The following CHST9 variants were observed in gnomAD, a reference collection of about 807,000 sequenced individuals.
CHST9 encodes GalNAc-4-sulfotransferase 2.
Under a neutral mutation model 44.4 loss-of-function variants are expected in CHST9, and 41 were observed. That is an observed-to-expected ratio of 0.92 (90% CI 0.72 to 1.20). The LOEUF is 1.20. CHST9 is among the 50% of genes most tolerant of loss of function. The pLI, the probability that CHST9 is intolerant of heterozygous loss-of-function variation, is 0.00. For synonymous variants in CHST9, 171 were observed against 178.4 expected (o/e 0.96, Z 0.33); for missense variants, 504 against 516.5 (o/e 0.98, Z 0.23).
At chr18:26,923,415 C>T (rs373480716) in intron 5 of CHST9, among the ~76,000 whole-genome samples, 1 of 152,068 alleles carries the variant, frequency 6.6e-6, no homozygotes. Flanking sequence ...CTATATAACC[C>T]CCACTAGCAT....
intron 1 of CHST9, among the ~76,000 whole-genome samples, chr18:27,164,665 G>A (rs9958520): frequency 0.011 from 1,706 of 152,268 alleles, 26 homozygotes; most frequent in African/African-American, 0.036. Flanking sequence ...ATGGGACATT[G>A]TCTTGACATT....
chr18:27,141,822 T>G (rs982252809), intron 2 of CHST9, among the ~76,000 whole-genome samples: 2 of 151,888 alleles, frequency 1.3e-5, no homozygotes, highest in Admixed American at 1.3e-4. Context: ...TTTATTATCC[T>G]TAACAGTCAT....
intron 4 of CHST9, among the ~76,000 whole-genome samples, chr18:27,004,629 C>A (rs1018616500): frequency 1.3e-5 from 2 of 152,068 alleles, no homozygotes; most frequent in Non-Finnish European, 2.9e-5. Flanking sequence ...TCCCTAAGTG[C>A]CCCCTAGTGA....
intron 2 of CHST9, among the ~76,000 whole-genome samples, chr18:27,118,526 A>G (rs1006327501): frequency 6.6e-6 from 1 of 152,280 alleles, no homozygotes; most frequent in Non-Finnish European, 1.5e-5. Context: ...ATATCCATCA[A>G]TCGAGGAGAG....
intron 5 of CHST9, among the ~76,000 whole-genome samples, chr18:26,918,000 G>A (rs2055569733): frequency 6.6e-6 from 1 of 152,010 alleles, no homozygotes; most frequent in Non-Finnish European, 1.5e-5. Context: ...CCCAAGTGAA[G>A]AATGACTAAG....
intron 2 of CHST9, among the ~76,000 whole-genome samples, chr18:27,130,175 C>T (rs1043864056): frequency 7.9e-5 from 12 of 152,120 alleles, no homozygotes; most frequent in African/African-American, 2.2e-4. Context: ...AGGAAAATTA[C>T]GTAGTTTGGA....
intron 1 of CHST9, among the ~76,000 whole-genome samples, chr18:27,168,267 G>T (rs2058807150): frequency 6.6e-6 from 1 of 151,966 alleles, no homozygotes; most frequent in Admixed American, 6.5e-5. Flanking sequence ...GTAGAGACGG[G>T]GTTTCACTGT....
At chr18:26,948,935 C>G (rs1402606960) in intron 4 of CHST9, among the ~76,000 whole-genome samples, 2 of 152,026 alleles carry the variant, frequency 1.3e-5, no homozygotes, top group African/African-American at 2.4e-5. Context: ...TACACTTTAG[C>G]AGGTGTGGGG....
intron 2 of CHST9, among the ~76,000 whole-genome samples, chr18:27,129,693 T>C (rs1264993000): frequency 6.6e-6 from 1 of 152,234 alleles, no homozygotes; most frequent in South Asian, 2.1e-4. Context: ...GCATGACCCT[T>C]GGTTTATTCT....
At chr18:26,955,645 A>G (rs371449142) in intron 4 of CHST9, among the ~76,000 whole-genome samples, 12 of 152,264 alleles carry the variant, frequency 7.9e-5, no homozygotes, top group African/African-American at 2.9e-4. Flanking sequence ...GGCTGGATAC[A>G]AGTTTCCTTG....
intron 2 of CHST9, among the ~76,000 whole-genome samples, chr18:27,065,714 G>C (rs1369442003): frequency 2.0e-5 from 3 of 151,516 alleles, no homozygotes. Flanking sequence ...TCCTAAGGAA[G>C]GATACAATCA....
chr18:27,051,983 A>G lies in CHST9; in HGVS notation c.122-3480T>C, dbSNP rs72880602. On this transcript the variant is annotated intron_variant, in intron 2 of 5. Transcript: ENST00000618847. ...ACAATTCCATATGGTAAAGCTAGCA[A>G]GAAATGGACAAAATTCACATGAAAT... Among the ~76,000 whole-genome samples, 193 of 152,312 alleles carry G rather than the reference A, an allele frequency of 1.3e-3. 1 individual carries two copies. Among genetic ancestry groups the G allele is most frequent in the Middle Eastern group, 3.4e-3 (1 of 294 alleles).
chr18:27,142,581 G>A (rs777854753), intron 2 of CHST9, 108 bp downstream of exon 2: 143 of 786,328 alleles, frequency 1.8e-4, no homozygotes, highest in South Asian at 5.6e-4. Flanking sequence ...ATTTTTTGTT[G>A]TTGAAAATAT....
chr18:27,015,951 G>A (rs1441969601), intron 4 of CHST9, among the ~76,000 whole-genome samples: 1 of 152,120 alleles, frequency 6.6e-6, no homozygotes, highest in East Asian at 1.9e-4. Flanking sequence ...TTCAGTATAT[G>A]CATGCACATG....
At chr18:27,181,231 T>G (rs1331260890) in intron 1 of CHST9, among the ~76,000 whole-genome samples, 2 of 152,228 alleles carry the variant, frequency 1.3e-5, no homozygotes, top group African/African-American at 2.4e-5. Context: ...ACAAAATCTA[T>G]GTCCAACTAA....
Position 26,962,295 on chromosome 18 carries a change from T to TC in CHST9, c.203-17930_203-17929insG, listed in dbSNP as rs1203721604. Among the ~76,000 whole-genome samples the TC allele has an allele frequency of 3.6e-4, 51 of 143,440 alleles. No homozygotes were observed. In the East Asian group the frequency reaches 9.4e-3, roughly 26 times the overall value. The allele number at this position is 143,440 out of a possible 152,430, so 94.1% of individuals were successfully genotyped here. Reference sequence around the variant, plus strand: ...CTCCTATCCCAAATTATAGTCTCCTTTTTTTTTTTTTTTGAGACCAAGTCT... The same window carrying TC: ...CTCCTATCCCAAATTATAGTCTCCTTCTTTTTTTTTTTTTGAGACCAAGTCT... On this transcript the variant is annotated intron_variant, in intron 4 of 5. Transcript: ENST00000618847.
chr18:27,014,737 T>C (rs2057130319), intron 4 of CHST9, among the ~76,000 whole-genome samples: 1 of 151,848 alleles, frequency 6.6e-6, no homozygotes, highest in Non-Finnish European at 1.5e-5. Context: ...TGTGTACACA[T>C]TCCCCCAGAA....
chr18:27,057,801 C>A (rs1249462735), intron 2 of CHST9, among the ~76,000 whole-genome samples: 2 of 152,226 alleles, frequency 1.3e-5, no homozygotes, highest in African/African-American at 4.8e-5. Flanking sequence ...GGACTGAATG[C>A]TCAAAGATTT....
At chr18:26,957,823 G>A (rs1225269133) in intron 4 of CHST9, among the ~76,000 whole-genome samples, 2 of 151,958 alleles carry the variant, frequency 1.3e-5, no homozygotes, top group Non-Finnish European at 2.9e-5. Context: ...AAAGTGCCTA[G>A]GTACATTTTA....
Sources: allele counts gnomAD v4.1 joint callset (sites outside exome capture counted in the v4.1 genomes callset), GRCh38; gene constraint gnomAD v4.1.1; transcripts MANE v1.5; gene names NCBI Gene and HGNC (gene_info 2026-07-23, HGNC 2026-07-21).